FANCI: variants seen among roughly 807,000 people sequenced by gnomAD.
FANCI encodes Fanconi anemia group I protein.
In FANCI, 156 loss-of-function variants were observed where a neutral mutation model predicts 176.1. The ratio of observed to expected loss-of-function variants is 0.89; its 90% CI spans 0.78 to 1.01. FANCI has a LOEUF of 1.01. Among genes scored for constraint, FANCI ranks in the 50% least tolerant of loss-of-function variants. The pLI, the probability that FANCI is intolerant of heterozygous loss-of-function variation, is 0.00. For synonymous variants in FANCI, 613 were observed against 541.7 expected, an observed-to-expected ratio of 1.13 and a Z score of -1.83; for missense variants, 1,678 against 1,534.1, an observed-to-expected ratio of 1.09 and a Z score of -1.57.
intron 29 of FANCI, 46 bp downstream of exon 29, chr15:89,305,288 G>A: frequency 6.2e-7 from 1 of 1,614,158 alleles, no homozygotes; most frequent in Non-Finnish European, 8.5e-7. Context: ...GGGGATGGGG[G>A]TCAAGGGAAC....
intron 2 of FANCI, among the ~76,000 whole-genome samples, chr15:89,252,487 C>G (rs139477575): frequency 1.8e-3 from 271 of 152,240 alleles, no homozygotes; most frequent in Non-Finnish European, 2.9e-3. Flanking sequence ...CGCCTGTAAT[C>G]CCAGCACTTT....
chr15:89,280,910 A>G (rs895334190), intron 14 of FANCI, among the ~76,000 whole-genome samples: 2 of 152,208 alleles, frequency 1.3e-5, no homozygotes, highest in Non-Finnish European at 1.5e-5. Context: ...ACTTATGTCT[A>G]GGCAGTGTAA....
At chr15:89,270,120 T>A (rs1313733228) in intron 10 of FANCI, among the ~76,000 whole-genome samples, 2 of 151,498 alleles carry the variant, frequency 1.3e-5, no homozygotes, top group African/African-American at 2.4e-5. Context: ...TTCCTTTGAT[T>A]TTTTTTTTCC....
At chr15:89,291,381 G>A (rs2054062735) in intron 19 of FANCI, among the ~76,000 whole-genome samples, 1 of 152,052 alleles carries the variant, frequency 6.6e-6, no homozygotes, top group African/African-American at 2.4e-5. Context: ...TACAAGTTTA[G>A]GAATAGAAGG....
intron 18 of FANCI, among the ~76,000 whole-genome samples, chr15:89,286,483 T>C (rs916703618): frequency 7.2e-5 from 11 of 152,248 alleles, no homozygotes; most frequent in Non-Finnish European, 1.3e-4. Context: ...CATTCATCTT[T>C]CTGTACATTT....
At chr15:89,283,399 G>C in intron 17 of FANCI, 149 bp downstream of exon 17, 1 of 1,263,886 alleles carries the variant, frequency 7.9e-7, no homozygotes, top group Non-Finnish European at 1.1e-6. Context: ...TGATGATGAT[G>C]ATGATGATGA....
At position 89,311,835 on chromosome 15, in the gene FANCI, G is replaced by C. The variant is rs564047742; in HGVS notation, c.3652-1069G>C. ...GCATGGTATGTTCCCTTCCTAAGAA[G>C]GTTTAGAACTCCCCTTGAGGTAAAA... On this transcript the variant is annotated intron_variant, in intron 34 of 37. Coordinates refer to ENST00000310775, the MANE Select transcript of FANCI (RefSeq NM_001113378.2). Among the ~76,000 whole-genome samples the C allele has an allele frequency of 7.9e-5, 12 of 152,238 alleles. 1 individual carries two copies. The highest frequency in any genetic ancestry group is 2.4e-4 in the African/African-American group (10 of 41,546).
chr15:89,272,697 G>A lies in FANCI; in HGVS notation c.883-680G>A, dbSNP rs117809422. On this transcript the variant is annotated intron_variant, in intron 10 of 37. Coordinates refer to ENST00000310775, the MANE Select transcript of FANCI (RefSeq NM_001113378.2). ...TTAAAAAATGTTTTTTATGTCTCTC[G>A]AGTCATAAGGACTTTTTTGGGGGAT... 6.2e-3 allele frequency among the ~76,000 whole-genome samples: 938 copies of A among 151,746 alleles called. 7 individuals carry two copies. The highest frequency in any genetic ancestry group is 0.02 in the South Asian group (95 of 4,796).
chr15:89,299,019 C>G (rs1032428080), intron 24 of FANCI, among the ~76,000 whole-genome samples: 1 of 151,862 alleles, frequency 6.6e-6, no homozygotes, highest in African/African-American at 2.4e-5. Context: ...AAAAAAAATA[C>G]AAAAATTAGC....
rs2054765701 is a variant in FANCI at position 89,307,422 on chromosome 15, T to C, written c.3538-54T>C. 4 of 1,537,986 alleles carry C rather than the reference T, an allele frequency of 2.6e-6. No homozygotes were observed. The African/African-American group carries it at 5.5e-5, about 21-fold the overall frequency. ...ACACTCCATAGGCTCACTGCAGCAGTCACTTGTAGTTTCATAGGACAGTCT... is the reference window on the plus strand; with the variant it reads ...ACACTCCATAGGCTCACTGCAGCAGCCACTTGTAGTTTCATAGGACAGTCT... On this transcript the variant is annotated intron_variant, in intron 32 of 37. Coordinates refer to ENST00000310775, the MANE Select transcript of FANCI (RefSeq NM_001113378.2).
chr15:89,312,882 G>A (rs1000699879), intron 34 of FANCI, 22 bp from the exon 35 acceptor site: 1 of 1,580,468 alleles, frequency 6.3e-7, no homozygotes, highest in African/African-American at 1.4e-5. Context: ...AGGAATAAGA[G>A]AATGTGTTTC....
chr15:89,305,198 G>A lies in FANCI; in HGVS notation c.3142G>A (p.Asp1048Asn). 6.2e-7 allele frequency: 1 copy of A among 1,614,216 alleles called. No homozygotes were observed. Among genetic ancestry groups the A allele is most frequent in the African/African-American group, 1.3e-5 (1 of 75,064 alleles). Reference sequence around the variant, plus strand: ...TAAGAGTCCTGTCATTCTGCTGCGTGACTTGTCCCAGGATATCCACGGGCA... The same window carrying A: ...TAAGAGTCCTGTCATTCTGCTGCGTAACTTGTCCCAGGATATCCACGGGCA... ...SYKSPVILLR[D>N]LSQDIHGHLG... Residue 1048 changes from aspartate to asparagine, a missense_variant, in exon 29 of 38, where the codon GAC becomes AAC. Asp to Asn is a conservative substitution (Grantham distance 23). Around this residue, in one of 3 missense-constraint regions of FANCI, gnomAD observed 1,204 missense variants for 1,077.4 expected, o/e 1.12. Coordinates refer to ENST00000310775, the MANE Select transcript of FANCI (RefSeq NM_001113378.2).
chr15:89,249,622 A>G (rs1276067319), intron 2 of FANCI, among the ~76,000 whole-genome samples: 1 of 152,234 alleles, frequency 6.6e-6, no homozygotes, highest in African/African-American at 2.4e-5. Context: ...TGCCGGGATT[A>G]CACGTGTGAG....
intron 18 of FANCI, among the ~76,000 whole-genome samples, chr15:89,289,230 CATAAA>C (rs1405379046): frequency 6.6e-6 from 1 of 152,106 alleles, no homozygotes; most frequent in Non-Finnish European, 1.5e-5. Context: ...ATTACACATT[CATAAA>C]ATATTTTAAT....
At chr15:89,264,379 A>G (rs544029085) in intron 8 of FANCI, 143 bp from the exon 9 acceptor site, 70 of 743,536 alleles carry the variant, frequency 9.4e-5, no homozygotes, top group Middle Eastern at 4.9e-4. Context: ...AAAGTGTTCT[A>G]TACATTCTTA....
At chr15:89,314,543 G>A in intron 35 of FANCI, 69 bp from the exon 36 acceptor site, 1 of 1,156,006 alleles carries the variant, frequency 8.7e-7, no homozygotes, top group Non-Finnish European at 1.3e-6. Flanking sequence ...TTTTGTAAGT[G>A]ACAGCTTCAG....
chr15:89,273,510 G>GCAAA, intron 11 of FANCI, 41 bp downstream of exon 11: 1 of 660,468 alleles, frequency 1.5e-6, no homozygotes, highest in Middle Eastern at 3.3e-4. Flanking sequence ...TCTGTAGTTG[G>GCAAA]TAAAAAAAAA....
At chr15:89,253,274 ATAGATGAAAT>A (rs2052341276) in intron 2 of FANCI, among the ~76,000 whole-genome samples, 1 of 152,208 alleles carries the variant, frequency 6.6e-6, no homozygotes, top group African/African-American at 2.4e-5. Context: ...TTTGGAAAAA[ATAGATGAAAT>A]TAGATGTGTT....
chr15:89,275,142 A>G (rs1444099438), intron 12 of FANCI, among the ~76,000 whole-genome samples: 1 of 134,946 alleles, frequency 7.4e-6, no homozygotes, highest in Non-Finnish European at 1.5e-5. Context: ...TGCCCAGGCT[A>G]GACTTGATCT....
Sources: allele counts gnomAD v4.1 joint callset (sites outside exome capture counted in the v4.1 genomes callset), GRCh38; gene constraint gnomAD v4.1.1; regional missense constraint gnomAD v4.1.1; transcripts MANE v1.5; gene names NCBI Gene and HGNC (gene_info 2026-07-23, HGNC 2026-07-21).